Variants in CELSR2 observed in about 807,000 individuals in gnomAD.
CELSR2 encodes the protein EGF-like protein 2.
A neutral mutation model predicts 251.6 loss-of-function variants in CELSR2; 81 were observed. That is an observed-to-expected ratio of 0.32 (90% CI 0.27 to 0.39). The LOEUF is 0.39. Ranked by LOEUF, CELSR2 falls within the 10% of genes least tolerant of loss-of-function variation. The probability of loss-of-function intolerance (pLI) is 1.00; values close to 1 mark genes in which losing one functional copy is unlikely to be tolerated. For synonymous variants in CELSR2, 1,721 were observed against 1,670.5 expected, an observed-to-expected ratio of 1.03 and a Z score of -0.74; for missense variants, 3,365 against 3,947.7, an observed-to-expected ratio of 0.85 and a Z score of 3.96.
At chr1:109,264,394 C>T (rs45529538) in intron 10 of CELSR2, 29 bp downstream of exon 10, 1 of 1,597,626 alleles carries the variant, frequency 6.3e-7, no homozygotes. Context: ...CCTCCCATCC[C>T]CTCCCCCACC....
At chr1:109,270,177 G>A in intron 23 of CELSR2, 44 bp downstream of exon 23, 1 of 1,596,636 alleles carries the variant, frequency 6.3e-7, no homozygotes, top group Non-Finnish European at 8.6e-7. Context: ...ACCTTCTCAG[G>A]CCGCCTCCCC....
intron 33 of CELSR2, 38 bp downstream of exon 33, chr1:109,273,708 C>T (rs1478371058): frequency 7.2e-7 from 1 of 1,395,014 alleles, no homozygotes; most frequent in Admixed American, 2.8e-5. Flanking sequence ...GGTGCAGCCC[C>T]TCGGAGGCCT....
rs1210717782 is a variant in CELSR2 at position 109,261,154 on chromosome 1, T to C, written c.4071T>C (p.Ser1357=). 6.2e-7 allele frequency: 1 copy of C among 1,614,050 alleles called. No homozygotes were observed. The highest frequency in any genetic ancestry group is 1.3e-5 in the African/African-American group (1 of 74,926). Residue 1357 remains serine, a synonymous_variant, in exon 3 of 34, where the codon TCT becomes TCC. Transcript: ENST00000271332. This position sits in a 1 kb window ranked among gnomAD's most constrained non-coding sequence, Gnocchi z 4.8. ...LVGGFKCDCP[S]GDFEKPYCQV... is the part of the protein sequence containing the mutation. ...GCGGTTTCAAGTGCGATTGCCCATC[T>C]GGAGACTTCGAGAAGCCCTACTGCC...
In CELSR2 at chr1:109,271,197, T is replaced by C. The variant is rs371740442; in HGVS notation, c.7597-20T>C. The C allele has an allele frequency of 2.6e-5, 42 of 1,611,468 alleles. No homozygotes were observed. Among genetic ancestry groups the C allele is most frequent in the Non-Finnish European group, 3.3e-5 (39 of 1,177,902 alleles). On this transcript the variant is annotated intron_variant, in intron 25 of 33. Transcript: ENST00000271332. ...CTGTTTGTCCCCACTGAGCACCCCA[T>C]GCCCTCTGCCCCTGCCTAGATGAGT...
rs1656461201 is a variant in CELSR2 at position 109,274,218 on chromosome 1, AC to A, written c.*171del. 1 of 1,492,134 alleles carries A rather than the reference AC, an allele frequency of 6.7e-7. No homozygotes were observed. The highest frequency in any genetic ancestry group is 1.4e-5 in the African/African-American group (1 of 71,072). The allele number at this position is 1,492,134 out of a possible 1,614,324, so 92.4% of individuals were successfully genotyped here. On this transcript the variant is annotated 3_prime_UTR_variant, in exon 34 of 34. Coordinates refer to ENST00000271332, the MANE Select transcript of CELSR2 (RefSeq NM_001408.3). Reference sequence around the variant, plus strand: ...CCTTGCCGGGAGGGGTACTCACCCCACCTAAGGCCATCTAGTGCCAACTCCC... The same window carrying A: ...CCTTGCCGGGAGGGGTACTCACCCCACTAAGGCCATCTAGTGCCAACTCCC...
chr1:109,256,009 A>G (rs1057341877), intron 1 of CELSR2, among the ~76,000 whole-genome samples: 2 of 152,204 alleles, frequency 1.3e-5, no homozygotes, highest in African/African-American at 4.8e-5. Flanking sequence ...CTCCCGCTCC[A>G]TGGCCTTGGT....
chr1:109,270,113 A>G lies in CELSR2; in HGVS notation c.7288A>G (p.Ile2430Val). Residue 2430 changes from isoleucine (I) to valine (V), a missense_variant, in exon 23 of 34, where the codon ATC (isoleucine) becomes GTC (valine). Physicochemically the swap from Ile to Val is conservative, Grantham distance 29. This residue lies in a region of CELSR2 where 2,093 missense variants were observed against 2,382.8 expected (regional missense o/e 0.88). Coordinates refer to ENST00000271332, the MANE Select transcript of CELSR2 (RefSeq NM_001408.3). ...GLAQLVFLLG[I>V]NQADLPFACT... ...GGCTCAGCTGGTCTTCCTCCTGGGA[A>G]TCAACCAGGCTGACCTCCCTGTAAG... 6.2e-7 allele frequency: 1 copy of G among 1,613,928 alleles called. No homozygotes were observed. Among genetic ancestry groups the G allele is most frequent in the African/African-American group, 1.3e-5 (1 of 74,992 alleles).
Position 109,253,194 on chromosome 1 carries a change from A to G in CELSR2, c.3115A>G (p.Ser1039Gly), listed in dbSNP as rs1655748527. ...CAACAACTATGTCACCAATCGCTCAAGCAGCTTCCCTGGGGGTGCCATTGG... is the reference window on the plus strand; with the variant it reads ...CAACAACTATGTCACCAATCGCTCAGGCAGCTTCCCTGGGGGTGCCATTGG... Reference protein sequence around the residue: ...LFNNYVTNRSSSFPGGAIGRV... With the variant: ...LFNNYVTNRSGSFPGGAIGRV... The change falls in exon 1 of 34, where the codon AGC (serine) becomes GGC (glycine). Residue 1039 changes from serine (S) to glycine (G), a missense_variant. Ser to Gly is a moderately conservative substitution (Grantham distance 56). Coordinates refer to ENST00000271332, the MANE Select transcript of CELSR2 (RefSeq NM_001408.3). 6.2e-7 allele frequency: 1 copy of G among 1,613,626 alleles called. No individual in the cohort carries two copies. Among genetic ancestry groups the G allele is most frequent in the Non-Finnish European group, 8.5e-7 (1 of 1,180,038 alleles).
Position 109,251,381 on chromosome 1 carries a change from G to A in CELSR2, c.1302G>A (p.Val434=), listed in dbSNP as rs781385956. ...GAGACAAGGGGAGCAATGCCGTGGT[G>A]CACTATAGCATCATGAGTGGCAATG... ...SDRDKGSNAV[V]HYSIMSGNAR... The change falls in exon 1 of 34, where the codon GTG becomes GTA. Residue 434 remains valine (V), a synonymous_variant. Transcript: ENST00000271332. The surrounding 1 kb of genome is among the most constrained non-coding windows in gnomAD (Gnocchi z 4.9). The A allele has an allele frequency of 1.3e-5, 21 of 1,613,958 alleles. No individual in the cohort carries two copies. In the East Asian group the frequency reaches 4.7e-4, roughly 36 times the overall value.
At chr1:109,270,392 C>G (rs1457940727) in intron 23 of CELSR2, 34 bp from the exon 24 acceptor site, 4 of 1,611,174 alleles carry the variant, frequency 2.5e-6, no homozygotes, top group Non-Finnish European at 8.5e-7. Context: ...TGGGCGGGCC[C>G]CGGTCGCTGA....
intron 1 of CELSR2, among the ~76,000 whole-genome samples, chr1:109,254,839 G>A (rs1434927389): frequency 6.6e-6 from 1 of 152,216 alleles, no homozygotes; most frequent in African/African-American, 2.4e-5. Flanking sequence ...TGAGACTTCA[G>A]TTTCCCCTCC....
At chr1:109,270,828 C>A in intron 24 of CELSR2, 99 bp from the exon 25 acceptor site, 1 of 1,010,716 alleles carries the variant, frequency 9.9e-7, no homozygotes, top group Non-Finnish European at 1.5e-6. Flanking sequence ...AACCCTTTTC[C>A]ATGCTTCATG....
rs1275181713 is a variant in CELSR2 at position 109,252,659 on chromosome 1, A to G, written c.2580A>G (p.Gly860=). The part of the protein sequence containing the change: ...VFYTFQGGDD[G]DGDFIVESTS... ...ACACCTTCCAAGGAGGCGACGATGG[A>G]GACGGTGACTTTATTGTTGAGTCCA... Residue 860 remains glycine (G), a synonymous_variant, in exon 1 of 34, where the codon GGA becomes GGG. Transcript: ENST00000271332. This position sits in a 1 kb window ranked among gnomAD's most constrained non-coding sequence, Gnocchi z 4.8. 1.2e-6 allele frequency: 2 copies of G among 1,613,766 alleles called. No homozygotes were observed. Among genetic ancestry groups the G allele is most frequent in the African/African-American group, 1.3e-5 (1 of 74,936 alleles).
chr1:109,264,646 G>A lies in CELSR2; in HGVS notation c.5464+18G>A. ...TGATCCAGGTATGCTAAGGATCCAG[G>A]GCAACGGGCAGGTTATCAGGTGCCT... On this transcript the variant is annotated intron_variant, in intron 11 of 33. Coordinates refer to ENST00000271332, the MANE Select transcript of CELSR2 (RefSeq NM_001408.3). The A allele has an allele frequency of 6.2e-7, 1 of 1,604,090 alleles. No homozygotes were observed. Among genetic ancestry groups the A allele is most frequent in the South Asian group, 1.1e-5 (1 of 90,902 alleles).
intron 9 of CELSR2, 38 bp from the exon 10 acceptor site, chr1:109,264,040 C>T: frequency 1.3e-6 from 2 of 1,539,430 alleles, no homozygotes. Flanking sequence ...GTGATTAAGG[C>T]CGTCTGCTGA....
rs1379441395 is a variant in CELSR2, at chr1:109,251,243, T to C, written c.1164T>C (p.Ser388=). The change falls in exon 1 of 34, where the codon TCT becomes TCC. Residue 388 remains serine (S), a synonymous_variant. Transcript: ENST00000271332. The surrounding 1 kb of genome is among the most constrained non-coding windows in gnomAD (Gnocchi z 4.9). ...PRSTTAAVFL[S]VEDDNDNAPQ... ...GTACCACAGCCGCTGTTTTCCTTTC[T>C]GTGGAGGATGACAATGATAATGCCC... 1 of 1,614,020 alleles carries C rather than the reference T, an allele frequency of 6.2e-7. No homozygotes were observed. Among genetic ancestry groups the C allele is most frequent in the African/African-American group, 1.3e-5 (1 of 74,920 alleles).
intron 9 of CELSR2, 142 bp downstream of exon 9, chr1:109,263,919 C>G (rs1044393169): frequency 1.4e-6 from 2 of 1,381,078 alleles, no homozygotes. Context: ...AAGGTCAATG[C>G]TGCCACCTGT....
rs1655618468 is a variant in CELSR2, at chr1:109,249,721, T to TGGAGG, written c.-359_-358insGGAGG. 6.8e-6 allele frequency among the ~76,000 whole-genome samples: 1 copy of TGGAGG among 146,878 alleles called. No individual in the cohort carries two copies. Among genetic ancestry groups the TGGAGG allele is most frequent in the South Asian group, 2.1e-4 (1 of 4,708 alleles). On this transcript the variant is annotated 5_prime_UTR_variant, in exon 1 of 34. The change creates a new upstream start codon in the 5' untranslated region. Coordinates refer to ENST00000271332, the MANE Select transcript of CELSR2 (RefSeq NM_001408.3). ...ACGCGGGCGCAGGTGGGCGATCCCA[T>TGGAGG]AGGGGCGGAGGGGGCACCCCGGCTC...
intron 33 of CELSR2, 31 bp downstream of exon 33, chr1:109,273,701 G>C: frequency 7.2e-6 from 10 of 1,388,852 alleles, no homozygotes; most frequent in African/African-American, 1.5e-5. Context: ...GGGACGGGGT[G>C]CAGCCCCTCG....
Sources: gnomAD v4.1 joint callset for allele counts (sites outside exome capture counted in the v4.1 genomes callset) on GRCh38, gnomAD v4.1.1 for gene constraint, gnomAD v4.1.1 regional missense constraint, Gnocchi (gnomAD v3.1) non-coding constraint, MANE v1.5 for transcripts, NCBI Gene and HGNC (gene_info 2026-07-23, HGNC 2026-07-21) for gene names.